The following TRIM9 variants were observed in gnomAD, a reference collection of about 807,000 sequenced individuals.
TRIM9 encodes tripartite motif containing 9.
In TRIM9, 26 loss-of-function variants were observed where a neutral mutation model predicts 78.3. The observed-to-expected ratio is 0.33, with a 90% CI of 0.24 to 0.46. TRIM9 has a LOEUF of 0.46. Ranked by LOEUF, TRIM9 falls within the 20% of genes least tolerant of loss-of-function variation. The probability of loss-of-function intolerance (pLI) is 1.00; values close to 1 mark genes in which losing one functional copy is unlikely to be tolerated. For missense variants in TRIM9, 787 were observed against 1,036.4 expected (o/e 0.76, Z 3.30); for synonymous variants, 398 against 416.5 (o/e 0.96, Z 0.54).
rs578244488 is a variant in TRIM9 at position 51,051,941 on chromosome 14, T to C, written c.823-26581A>G. 2.1e-5 allele frequency among the ~76,000 whole-genome samples: 3 copies of C among 142,564 alleles called. No individual in the cohort carries two copies. In the South Asian group the frequency reaches 6.4e-4, roughly 30 times the overall value. The allele number at this position is 142,564 out of a possible 152,430, so 93.5% of individuals were successfully genotyped here. ...GAGTTTATGCCACTGCACTCCAGCC[T>C]AGGCAACAGAGACCCTGTCTTGAAA... On this transcript the variant is annotated intron_variant, in intron 1 of 12. Coordinates refer to ENST00000684578, the MANE Select transcript of TRIM9 (RefSeq NM_001387360.1).
intron 1 of TRIM9, among the ~76,000 whole-genome samples, chr14:51,058,324 A>T (rs2061053546): frequency 6.6e-6 from 1 of 152,180 alleles, no homozygotes; most frequent in Non-Finnish European, 1.5e-5. Flanking sequence ...ACATCTACAG[A>T]ATGGAAAAGG....
chr14:50,998,435 C>T (rs1290169690), intron 6 of TRIM9, among the ~76,000 whole-genome samples: 2 of 152,130 alleles, frequency 1.3e-5, no homozygotes, highest in African/African-American at 4.8e-5. Context: ...TGCAGATTAG[C>T]GTCATGCCTT....
intron 1 of TRIM9, among the ~76,000 whole-genome samples, chr14:51,030,203 G>C (rs943324133): frequency 2.0e-5 from 3 of 152,206 alleles, no homozygotes; most frequent in Admixed American, 6.5e-5. Flanking sequence ...GGGTGAAGTG[G>C]GAATTAAGTA....
chr14:51,011,740 A>G (rs2056604434), intron 3 of TRIM9, among the ~76,000 whole-genome samples: 1 of 152,254 alleles, frequency 6.6e-6, no homozygotes, highest in Non-Finnish European at 1.5e-5. Context: ...TAGATGAGAA[A>G]AAGCAAATAC....
chr14:51,035,783 G>A (rs1215033372), intron 1 of TRIM9, among the ~76,000 whole-genome samples: 3 of 152,178 alleles, frequency 2.0e-5, no homozygotes, highest in Non-Finnish European at 4.4e-5. Context: ...GTCCATCTCT[G>A]GAATGTAAAA....
chr14:51,089,056 C>T (rs1261881722), intron 1 of TRIM9: 1 of 151,432 alleles, frequency 6.6e-6, no homozygotes, highest in African/African-American at 2.4e-5. Context: ...CATTATAATT[C>T]ACTGAGATTC....
At chr14:50,985,827 AG>A (rs1346159382) in intron 8 of TRIM9, 128 bp downstream of exon 8, 2 of 821,452 alleles carry the variant, frequency 2.4e-6, no homozygotes, top group Admixed American at 7.6e-5. Context: ...TCATACGGAA[AG>A]CAGGCCACAG....
chr14:51,089,934 C>G (rs1186434270), intron 1 of TRIM9: 1 of 152,168 alleles, frequency 6.6e-6, no homozygotes. Flanking sequence ...ATTTAATTTA[C>G]CTTATCAAAA....
chr14:51,009,098 C>T lies in TRIM9; in HGVS notation c.1288G>A (p.Asp430Asn). Residue 430 changes from aspartate to asparagine, a missense_variant, in exon 5 of 13, where the codon GAT (aspartate) becomes AAT (asparagine). Coordinates refer to ENST00000684578, the MANE Select transcript of TRIM9 (RefSeq NM_001387360.1). Reference sequence around the variant, plus strand: ...GACATACCTTTCACTTGCACGAAATCCAGCTGGTGGATGGATTGCAGCAGA... The same window carrying T: ...GACATACCTTTCACTTGCACGAAATTCAGCTGGTGGATGGATTGCAGCAGA... ...SPLLQSIHQL[D>N]FVQVKASSPV... 1 of 1,613,954 alleles carries T rather than the reference C, an allele frequency of 6.2e-7. No individual in the cohort carries two copies. The highest frequency in any genetic ancestry group is 8.5e-7 in the Non-Finnish European group (1 of 1,179,884).
At chr14:51,043,417 G>T (rs2059711062) in intron 1 of TRIM9, among the ~76,000 whole-genome samples, 1 of 152,316 alleles carries the variant, frequency 6.6e-6, no homozygotes, top group Admixed American at 6.5e-5. Context: ...AGAGAATGGA[G>T]AACAAGTTGG....
intron 1 of TRIM9, among the ~76,000 whole-genome samples, chr14:51,067,527 C>A (rs1200359173): frequency 6.6e-6 from 1 of 152,162 alleles, no homozygotes; most frequent in Admixed American, 6.5e-5. Context: ...CGTAATTAGA[C>A]CCCCATCTAT....
At chr14:50,980,784 T>G (rs955118936) in intron 11 of TRIM9, among the ~76,000 whole-genome samples, 1 of 152,250 alleles carries the variant, frequency 6.6e-6, no homozygotes, top group African/African-American at 2.4e-5. Flanking sequence ...AAATGGTGTG[T>G]GTGTTCACTT....
chr14:50,995,857 ACT>A (rs950568857), intron 7 of TRIM9, among the ~76,000 whole-genome samples: 28 of 152,214 alleles, frequency 1.8e-4, no homozygotes, highest in Admixed American at 1.6e-3. Context: ...ATGTACCAAA[ACT>A]CTGTTAATAG....
chr14:50,979,839 T>C (rs2051610371), intron 11 of TRIM9, among the ~76,000 whole-genome samples: 1 of 152,228 alleles, frequency 6.6e-6, no homozygotes, highest in South Asian at 2.1e-4. Flanking sequence ...CCTTGTGAGT[T>C]GCTCTGCTGT....
At chr14:51,072,637 T>C (rs1020356730) in intron 1 of TRIM9, among the ~76,000 whole-genome samples, 2 of 144,928 alleles carry the variant, frequency 1.4e-5, no homozygotes, top group Admixed American at 6.9e-5. Context: ...CTTGAGGTTA[T>C]TGAGTTTCAA....
intron 7 of TRIM9, among the ~76,000 whole-genome samples, chr14:50,990,925 T>C (rs2139404186): frequency 6.6e-6 from 1 of 152,358 alleles, no homozygotes; most frequent in Admixed American, 6.5e-5. Flanking sequence ...AATGGTCTTA[T>C]AAGCAGCCAA....
chr14:51,053,742 C>T (rs1362380108), intron 1 of TRIM9, among the ~76,000 whole-genome samples: 1 of 149,674 alleles, frequency 6.7e-6, no homozygotes, highest in African/African-American at 2.5e-5. Flanking sequence ...TGCTATCCCT[C>T]CCCGCTCCCC....
intron 12 of TRIM9, chr14:50,979,178 C>T (rs1345693570): frequency 6.9e-7 from 1 of 1,439,638 alleles, no homozygotes; most frequent in African/African-American, 1.4e-5. Flanking sequence ...ATTAACTAGT[C>T]TGCGTCCAAG....
chr14:50,987,334 A>G (rs1490359222), intron 7 of TRIM9, among the ~76,000 whole-genome samples: 1 of 152,224 alleles, frequency 6.6e-6, no homozygotes, highest in African/African-American at 2.4e-5. Context: ...GCAGAATATC[A>G]TCCTATGTGA....
Sources: allele counts gnomAD v4.1 joint callset (sites outside exome capture counted in the v4.1 genomes callset), GRCh38; gene constraint gnomAD v4.1.1; transcripts MANE v1.5; gene names NCBI Gene and HGNC (gene_info 2026-07-23, HGNC 2026-07-21).